GNAQ: variants seen among roughly 807,000 people sequenced by gnomAD.
GNAQ encodes guanine nucleotide-binding protein G(q) subunit alpha.
GNAQ carries 8 observed loss-of-function variants against 43.9 expected under a neutral mutation model. The observed-to-expected ratio is 0.18, with a 90% confidence interval of 0.11 to 0.33. GNAQ has a LOEUF of 0.33. Ranked by LOEUF, GNAQ falls within the 10% of genes least tolerant of loss-of-function variation. The pLI, the probability that GNAQ is intolerant of heterozygous loss-of-function variation, is 1.00. For synonymous variants in GNAQ, 155 were observed against 170.7 expected (o/e 0.91, Z 0.71); for missense variants, 158 against 450.8 (o/e 0.35, Z 5.88).
intron 3 of GNAQ, among the ~76,000 whole-genome samples, chr9:77,812,564 C>T (rs1486109785): frequency 6.6e-6 from 1 of 152,084 alleles, no homozygotes; most frequent in Non-Finnish European, 1.5e-5. Flanking sequence ...TGGGTCTCTA[C>T]TAGATTAAAA....
At chr9:77,894,394 T>A (rs1286522560) in intron 2 of GNAQ, among the ~76,000 whole-genome samples, 5 of 39,930 alleles carry the variant, frequency 1.3e-4, no homozygotes, top group African/African-American at 2.6e-4. Flanking sequence ...AGAAAAAAAA[T>A]ATATATTTTA....
chr9:77,763,045 C>G (rs1379305214), intron 5 of GNAQ, among the ~76,000 whole-genome samples: 2 of 151,302 alleles, frequency 1.3e-5, no homozygotes, highest in African/African-American at 4.9e-5. Flanking sequence ...CACTATTGTC[C>G]TATGACCCTG....
rs558202614 is a variant in GNAQ, at chr9:77,726,233, G to A, written c.889+2281C>T. ...CTAGTGCAAATTAAAAGGAGTGAAA[G>A]AGAAAACACTGTTTAGACTGAGAAA... is the stretch of plus-strand genomic sequence containing the variant. On this transcript the variant is annotated intron_variant, in intron 6 of 6. Coordinates refer to ENST00000286548, the MANE Select transcript of GNAQ (RefSeq NM_002072.5). Among the ~76,000 whole-genome samples, 265 of 152,292 alleles carry A rather than the reference G, an allele frequency of 1.7e-3. 1 individual carries two copies. Among genetic ancestry groups the A allele is most frequent in the African/African-American group, 6.0e-3 (248 of 41,570 alleles).
chr9:77,900,115 C>G (rs1270531375), intron 2 of GNAQ, among the ~76,000 whole-genome samples: 1 of 152,144 alleles, frequency 6.6e-6, no homozygotes, highest in Non-Finnish European at 1.5e-5. Context: ...CTAAGTCAAT[C>G]AGTAATCCTG....
Position 77,873,510 on chromosome 9 carries a change from A to G in GNAQ, c.321+48651T>C, listed in dbSNP as rs1224703097. Among the ~76,000 whole-genome samples the G allele has an allele frequency of 2.0e-5, 3 of 152,212 alleles. No homozygotes were observed. In the East Asian group the frequency reaches 5.8e-4, roughly 29 times the overall value. On this transcript the variant is annotated intron_variant, in intron 2 of 6. Transcript: ENST00000286548. The stretch of plus-strand genomic sequence containing the variant: ...CTTACTGTAAACAATGTATTTAGGC[A>G]TTTGTGGCAGGTGTCCTTGTTTCAG...
At chr9:77,876,713 T>C (rs1436422879) in intron 2 of GNAQ, among the ~76,000 whole-genome samples, 2 of 152,158 alleles carry the variant, frequency 1.3e-5, no homozygotes, top group East Asian at 3.9e-4. Context: ...ACCTATATGA[T>C]AAGTATTATT....
intron 5 of GNAQ, among the ~76,000 whole-genome samples, chr9:77,742,297 T>G (rs1337633831): frequency 6.6e-6 from 1 of 152,132 alleles, no homozygotes; most frequent in African/African-American, 2.4e-5. Context: ...TTCCATATAA[T>G]GCACATGTGA....
chr9:77,939,429 C>CAAAT (rs1210483964), intron 1 of GNAQ, among the ~76,000 whole-genome samples: 1 of 152,174 alleles, frequency 6.6e-6, no homozygotes, highest in East Asian at 1.9e-4. Context: ...ATTGAAAACT[C>CAAAT]ATTTATTTTT....
intron 1 of GNAQ, among the ~76,000 whole-genome samples, chr9:77,966,655 T>A (rs765985118): frequency 3.9e-5 from 6 of 152,188 alleles, no homozygotes; most frequent in Admixed American, 6.5e-5. Context: ...ACAAAGTTTA[T>A]TCATCATAAA....
At chr9:78,004,736 C>G (rs797006944) in intron 1 of GNAQ, among the ~76,000 whole-genome samples, 4 of 152,030 alleles carry the variant, frequency 2.6e-5, no homozygotes, top group African/African-American at 9.6e-5. Context: ...CTAGAGGGAT[C>G]AGAAAAGGCA....
At chr9:78,027,603 T>G (rs1229908353) in intron 1 of GNAQ, among the ~76,000 whole-genome samples, 2 of 151,802 alleles carry the variant, frequency 1.3e-5, no homozygotes, top group African/African-American at 4.8e-5. Context: ...GCAAAAAAAA[T>G]AGCCGGGCGT....
intron 1 of GNAQ, among the ~76,000 whole-genome samples, chr9:77,952,182 G>A (rs546418507): frequency 1.3e-5 from 2 of 152,286 alleles, no homozygotes; most frequent in African/African-American, 4.8e-5. Flanking sequence ...TATGCCCAAA[G>A]GTGGGTTGAT....
At chr9:77,790,388 T>C (rs1428246087) in intron 5 of GNAQ, among the ~76,000 whole-genome samples, 2 of 152,222 alleles carry the variant, frequency 1.3e-5, no homozygotes, top group Admixed American at 1.3e-4. Context: ...TTTCACACTT[T>C]TAAAGAAAAT....
At chr9:77,843,484 T>C (rs1338879569) in intron 2 of GNAQ, among the ~76,000 whole-genome samples, 2 of 152,102 alleles carry the variant, frequency 1.3e-5, no homozygotes, top group African/African-American at 2.4e-5. Context: ...AATTGAGTGA[T>C]GATTTATTGT....
At chr9:77,797,069 G>T (rs746116357) in intron 4 of GNAQ, among the ~76,000 whole-genome samples, 1 of 151,866 alleles carries the variant, frequency 6.6e-6, no homozygotes, top group Non-Finnish European at 1.5e-5. Flanking sequence ...GTCTCGCTTC[G>T]TAACCCAGGC....
At chr9:77,800,846 C>T (rs962382645) in intron 3 of GNAQ, among the ~76,000 whole-genome samples, 4 of 152,134 alleles carry the variant, frequency 2.6e-5, no homozygotes, top group African/African-American at 9.7e-5. Context: ...CCTGAATGTA[C>T]ATTTCGAAAT....
At chr9:77,885,267 G>T (rs771032993) in intron 2 of GNAQ, among the ~76,000 whole-genome samples, 1 of 152,162 alleles carries the variant, frequency 6.6e-6, no homozygotes, top group Non-Finnish European at 1.5e-5. Flanking sequence ...AGCTCAGGAA[G>T]TCAGCAAGCT....
At chr9:78,029,680 C>T (rs1316094416) in intron 1 of GNAQ, among the ~76,000 whole-genome samples, 6 of 152,124 alleles carry the variant, frequency 3.9e-5, no homozygotes, top group African/African-American at 1.4e-4. Flanking sequence ...ATATTTTGTT[C>T]CTGCTTGTAA....
rs565418142 is a variant in GNAQ, at chr9:77,716,880, CAT to C, written c.*4441_*4442del. On this transcript the variant is annotated 3_prime_UTR_variant, in exon 7 of 7. Transcript: ENST00000286548. The stretch of plus-strand genomic sequence containing the variant: ...GCTAGGTGTGTATTCATACTTTGAA[CAT>C]ATGATTCTAGAGGCAAGAGTGTTAT... 1.4e-3 allele frequency: 335 copies of C among 232,778 alleles called. No individual in the cohort carries two copies. Among genetic ancestry groups the C allele is most frequent in the African/African-American group, 6.6e-3 (301 of 45,414 alleles). 14.4% of individuals were successfully genotyped at this position (232,778 alleles called of 1,614,324 possible).
Sources: gnomAD v4.1 joint callset for allele counts (sites outside exome capture counted in the v4.1 genomes callset) on GRCh38, gnomAD v4.1.1 for gene constraint, MANE v1.5 for transcripts, NCBI Gene and HGNC (gene_info 2026-07-23, HGNC 2026-07-21) for gene names.